Variants in YPEL2 observed in about 807,000 individuals in gnomAD.
YPEL2 encodes the protein yippee like 2.
A neutral mutation model predicts 19.1 loss-of-function variants in YPEL2; 2 were observed. That is an observed-to-expected ratio of 0.10 (90% CI 0.04 to 0.33). The LOEUF (loss-of-function observed/expected upper bound fraction) is 0.33. Ranked by LOEUF, YPEL2 falls within the 10% of genes least tolerant of loss-of-function variation. YPEL2 has a pLI of 1.00. For synonymous variants in YPEL2, 52 were observed against 50.0 expected (o/e 1.04, Z -0.17); for missense variants, 66 against 140.7 (o/e 0.47, Z 2.68).
At chr17:59,335,289 G>C (rs2047693302) in intron 1 of YPEL2, among the ~76,000 whole-genome samples, 1 of 152,130 alleles carries the variant, frequency 6.6e-6, no homozygotes, top group South Asian at 2.1e-4. Context: ...AAGTAAATCA[G>C]AATTTGCTAT....
In YPEL2 at chr17:59,353,233, T is replaced by TA; in HGVS notation, c.-176dup. ...GTTACAGGCTGCTGAGAACTAGCCC[T>TA]AGACCTCTGCGTGAGGGTTCTTCTG... On this transcript the variant is annotated 5_prime_UTR_variant, in exon 2 of 5. The change creates a premature stop within an existing upstream ORF in the 5' untranslated region. Coordinates refer to ENST00000312655, the MANE Select transcript of YPEL2 (RefSeq NM_001005404.4). The surrounding 1 kb of genome is among the most constrained non-coding windows in gnomAD (Gnocchi z 4.8). 1.8e-6 allele frequency: 1 copy of TA among 570,686 alleles called. No individual in the cohort carries two copies. Among genetic ancestry groups the TA allele is most frequent in the Non-Finnish European group, 3.1e-6 (1 of 320,034 alleles). The allele number at this position is 570,686 out of a possible 1,614,324, so 35.4% of individuals were successfully genotyped here.
intron 3 of YPEL2, 152 bp downstream of exon 3, chr17:59,388,522 C>T: frequency 1.2e-6 from 1 of 803,090 alleles, no homozygotes; most frequent in South Asian, 1.5e-5. Context: ...TAGTCAGTTA[C>T]CTTTGGGGAA....
At chr17:59,333,379 C>T (rs1281716215) in intron 1 of YPEL2, among the ~76,000 whole-genome samples, 1 of 152,212 alleles carries the variant, frequency 6.6e-6, no homozygotes, top group Non-Finnish European at 1.5e-5. Flanking sequence ...GACAGCATTT[C>T]TTGGATCTGT....
intron 2 of YPEL2, among the ~76,000 whole-genome samples, chr17:59,377,495 T>TGGGGATATCTGATCATGGG: frequency 6.6e-6 from 1 of 152,286 alleles, no homozygotes; most frequent in Middle Eastern, 3.4e-3. Context: ...CTGTAGAGGA[T>TGGGGATATCTGATCATGGG]GGGGATATCT....
chr17:59,356,815 A>G (rs1213888209), intron 2 of YPEL2, among the ~76,000 whole-genome samples: 1 of 152,170 alleles, frequency 6.6e-6, no homozygotes, highest in Non-Finnish European at 1.5e-5. Context: ...ACTTAATCTG[A>G]CATGGTAGAA....
chr17:59,348,888 A>T (rs1481683823), intron 1 of YPEL2, among the ~76,000 whole-genome samples: 1 of 150,882 alleles, frequency 6.6e-6, no homozygotes, highest in Admixed American at 6.6e-5. Context: ...TTCTTCCTTT[A>T]AAAAAAAATC....
chr17:59,382,757 A>T (rs1305189535), intron 2 of YPEL2, among the ~76,000 whole-genome samples: 2 of 152,202 alleles, frequency 1.3e-5, no homozygotes, highest in African/African-American at 4.8e-5. Context: ...ACGTATTCTA[A>T]TGAGAGGGTT....
intron 3 of YPEL2, 165 bp from the exon 4 acceptor site, chr17:59,389,193 GAT>G: frequency 3.5e-6 from 2 of 571,394 alleles, no homozygotes; most frequent in South Asian, 2.4e-5. Flanking sequence ...TTCCAGCTGA[GAT>G]ATTTCCCTGT....
intron 2 of YPEL2, among the ~76,000 whole-genome samples, chr17:59,374,053 A>G (rs2047909028): frequency 6.6e-6 from 1 of 152,164 alleles, no homozygotes; most frequent in African/African-American, 2.4e-5. Context: ...CAGAATGTTC[A>G]CCCTTGTAAG....
In YPEL2 at chr17:59,348,489, G is replaced by A. The variant is rs559931783; in HGVS notation, c.-195-4726G>A. ...GGGAAGGCCTGTTGGCCGGGGAGGC[G>A]GCATGGGGTGGGGGCTGGCCAGGTT... On this transcript the variant is annotated intron_variant, in intron 1 of 4. Coordinates refer to ENST00000312655, the MANE Select transcript of YPEL2 (RefSeq NM_001005404.4). 1.3e-3 allele frequency among the ~76,000 whole-genome samples: 194 copies of A among 152,320 alleles called. 1 individual carries two copies. The highest frequency in any genetic ancestry group is 4.0e-3 in the African/African-American group (167 of 41,552).
chr17:59,363,068 A>T (rs1337480586), intron 2 of YPEL2: 2 of 152,194 alleles, frequency 1.3e-5, no homozygotes, highest in African/African-American at 4.8e-5. Flanking sequence ...TTGGTGTTGT[A>T]ACAAACACAC....
At chr17:59,393,363 G>A (rs893423894) in intron 4 of YPEL2, among the ~76,000 whole-genome samples, 1 of 150,212 alleles carries the variant, frequency 6.7e-6, no homozygotes, top group African/African-American at 2.4e-5. Context: ...GTCTCAAACC[G>A]GCCTCAAGCA....
chr17:59,347,882 A>G (rs1348375552), intron 1 of YPEL2, among the ~76,000 whole-genome samples: 1 of 151,762 alleles, frequency 6.6e-6, no homozygotes, highest in African/African-American at 2.4e-5. Context: ...AGGACCCCAA[A>G]CTCCATGTCT....
At chr17:59,347,482 A>G (rs2047762161) in intron 1 of YPEL2, among the ~76,000 whole-genome samples, 1 of 152,150 alleles carries the variant, frequency 6.6e-6, no homozygotes, top group African/African-American at 2.4e-5. Context: ...TTTAAGAGTG[A>G]TGACGTGGTC....
chr17:59,346,490 G>A (rs1462691071), intron 1 of YPEL2, among the ~76,000 whole-genome samples: 1 of 152,138 alleles, frequency 6.6e-6, no homozygotes, highest in Non-Finnish European at 1.5e-5. Flanking sequence ...GGAGTCTCGG[G>A]ACGCAGAGTA....
chr17:59,396,949 C>T (rs539140937), intron 4 of YPEL2, 152 bp from the exon 5 acceptor site: 6 of 482,976 alleles, frequency 1.2e-5, no homozygotes, highest in East Asian at 8.1e-5. Flanking sequence ...GAGAATCGCT[C>T]GAACCTGGGA....
rs1194957178 is a variant in YPEL2, at chr17:59,387,842, G to GT, written c.118-479dup. Among the ~76,000 whole-genome samples, 4 of 152,226 alleles carry GT rather than the reference G, an allele frequency of 2.6e-5. No homozygotes were observed. The South Asian group carries it at 8.3e-4, about 31-fold the overall frequency. On this transcript the variant is annotated intron_variant, in intron 2 of 4. Transcript: ENST00000312655. ...ACAAGCGATAAGTGTGGGTTGGATA[G>GT]TTTTTTCTTGGGTCAGGGATTTTTT...
chr17:59,337,234 C>T (rs544291437), intron 1 of YPEL2, among the ~76,000 whole-genome samples: 18 of 144,416 alleles, frequency 1.2e-4, no homozygotes, highest in African/African-American at 4.5e-4. Flanking sequence ...GTGGCCCAGG[C>T]GGGAGTGCAG....
At chr17:59,384,576 A>G (rs746336295) in intron 2 of YPEL2, among the ~76,000 whole-genome samples, 9 of 152,238 alleles carry the variant, frequency 5.9e-5, no homozygotes, top group Non-Finnish European at 1.3e-4. Context: ...AGATACCTAT[A>G]CATACAGGAC....
Sources: allele counts gnomAD v4.1 joint callset (sites outside exome capture counted in the v4.1 genomes callset), GRCh38; gene constraint gnomAD v4.1.1; non-coding constraint Gnocchi (gnomAD v3.1); transcripts MANE v1.5; gene names NCBI Gene and HGNC (gene_info 2026-07-23, HGNC 2026-07-21).